ENTREP2: variants seen among roughly 807,000 people sequenced by gnomAD.
ENTREP2 encodes protein ENTREP2.
chr15:29,568,571 G>A, the ENTREP2 span, among the ~76,000 whole-genome samples: 1 of 152,002 alleles, frequency 6.6e-6, no homozygotes, highest in Non-Finnish European at 1.5e-5. Flanking sequence ...AGGCATGGTG[G>A]TACACACCTG....
At chr15:29,616,373 C>T in the ENTREP2 span, among the ~76,000 whole-genome samples, 1 of 152,016 alleles carries the variant, frequency 6.6e-6, no homozygotes, top group African/African-American at 2.4e-5. Flanking sequence ...GAGACAGACC[C>T]GGTCAGGGCT....
the ENTREP2 span, among the ~76,000 whole-genome samples, chr15:29,354,805 C>T: frequency 7.2e-4 from 110 of 152,192 alleles, no homozygotes; most frequent in African/African-American, 2.6e-3. Flanking sequence ...TAGTTAAGAC[C>T]AGGCCAGATA....
chr15:29,647,801 C>G, the ENTREP2 span, among the ~76,000 whole-genome samples: 2 of 152,040 alleles, frequency 1.3e-5, no homozygotes, highest in African/African-American at 2.4e-5. Context: ...GAGCAAGTGG[C>G]TACATATGAT....
At chr15:29,339,650 G>A in the ENTREP2 span, among the ~76,000 whole-genome samples, 2 of 152,174 alleles carry the variant, frequency 1.3e-5, no homozygotes, top group East Asian at 1.9e-4. Flanking sequence ...TCCAATTTAC[G>A]TACAACTTCG....
chr15:29,439,347 G>A, the ENTREP2 span, among the ~76,000 whole-genome samples: 1 of 149,526 alleles, frequency 6.7e-6, no homozygotes, highest in Non-Finnish European at 1.5e-5. Flanking sequence ...AGTAGAGGGT[G>A]GGAGAAGATG....
the ENTREP2 span, among the ~76,000 whole-genome samples, chr15:29,583,393 A>G: frequency 6.6e-6 from 1 of 152,224 alleles, no homozygotes; most frequent in Non-Finnish European, 1.5e-5. Context: ...GCAAGAACAG[A>G]AAACCAAACA....
At chr15:29,607,304 C>CT in the ENTREP2 span, among the ~76,000 whole-genome samples, 9,104 of 131,628 alleles carry the variant, frequency 0.069, 754 homozygotes, top group African/African-American at 0.2. Context: ...CTCTTCATTT[C>CT]TTTTTTTTTT....
the ENTREP2 span, chr15:29,268,149 T>C: frequency 6.6e-6 from 1 of 152,166 alleles, no homozygotes; most frequent in Non-Finnish European, 1.5e-5. Flanking sequence ...CACACAATGC[T>C]TAAGTGCTTC....
At chr15:29,539,772 G>A in the ENTREP2 span, among the ~76,000 whole-genome samples, 2 of 152,170 alleles carry the variant, frequency 1.3e-5, no homozygotes, top group Non-Finnish European at 2.9e-5. Context: ...AGGAAAGGCT[G>A]AAGGCTACAG....
chr15:29,368,965 A>C, the ENTREP2 span, among the ~76,000 whole-genome samples: 1 of 152,202 alleles, frequency 6.6e-6, no homozygotes, highest in African/African-American at 2.4e-5. Flanking sequence ...TAAAGAGCAG[A>C]TTTGAGTAGA....
the ENTREP2 span, among the ~76,000 whole-genome samples, chr15:29,324,504 G>A: frequency 6.6e-6 from 1 of 152,148 alleles, no homozygotes; most frequent in Non-Finnish European, 1.5e-5. Flanking sequence ...CCAACTATAT[G>A]TAGTCTACAA....
the ENTREP2 span, among the ~76,000 whole-genome samples, chr15:29,261,821 T>C: frequency 1.9e-3 from 285 of 151,326 alleles, 1 homozygote; most frequent in Non-Finnish European, 2.9e-3. Flanking sequence ...CAAAAATACA[T>C]CTGAGAATTT....
At chr15:29,261,214 A>C in the ENTREP2 span, among the ~76,000 whole-genome samples, 1 of 152,178 alleles carries the variant, frequency 6.6e-6, no homozygotes, top group African/African-American at 2.4e-5. Context: ...ATCTCTAAAA[A>C]AATAGTTTTA....
the ENTREP2 span, among the ~76,000 whole-genome samples, chr15:29,391,743 A>G: frequency 4.6e-5 from 7 of 152,220 alleles, no homozygotes; most frequent in African/African-American, 1.4e-4. Context: ...ATATATTATT[A>G]TAATACATTT....
the ENTREP2 span, among the ~76,000 whole-genome samples, chr15:29,175,016 AG>A: frequency 6.6e-6 from 1 of 152,224 alleles, no homozygotes; most frequent in African/African-American, 2.4e-5. Context: ...TTGGTAGTTC[AG>A]ACAGTAATCA....
chr15:29,652,983 T>A, the ENTREP2 span, among the ~76,000 whole-genome samples: 10 of 151,884 alleles, frequency 6.6e-5, no homozygotes, highest in African/African-American at 2.4e-4. Context: ...ACCCAAAAGA[T>A]CCCATAAGAA....
At chr15:29,228,187 C>T in the ENTREP2 span, among the ~76,000 whole-genome samples, 1 of 152,134 alleles carries the variant, frequency 6.6e-6, no homozygotes, top group Non-Finnish European at 1.5e-5. Context: ...GGCATGGTGG[C>T]GGGCGCCTGT....
At chr15:29,305,082 C>G in the ENTREP2 span, among the ~76,000 whole-genome samples, 3 of 152,228 alleles carry the variant, frequency 2.0e-5, no homozygotes, top group East Asian at 5.8e-4. Context: ...GGGCTGAGAT[C>G]TTGGTCTGAT....
the ENTREP2 span, among the ~76,000 whole-genome samples, chr15:29,640,780 A>C: frequency 2.0e-5 from 3 of 152,236 alleles, no homozygotes; most frequent in African/African-American, 7.2e-5. Flanking sequence ...ATCTTTCACA[A>C]AATCTTCCAA....
Sources: gnomAD v4.1 joint callset for allele counts (sites outside exome capture counted in the v4.1 genomes callset) on GRCh38, gnomAD v4.1.1 for gene constraint, MANE v1.5 for transcripts, NCBI Gene and HGNC (gene_info 2026-07-23, HGNC 2026-07-21) for gene names.